STAG1: variants seen among roughly 807,000 people sequenced by gnomAD.
STAG1 encodes the protein STAG1 cohesin complex component.
A neutral mutation model predicts 170.9 loss-of-function variants in STAG1; 26 were observed. The observed-to-expected ratio is 0.15, with a 90% CI of 0.11 to 0.21. The LOEUF (loss-of-function observed/expected upper bound fraction) is 0.21. Among genes scored for constraint, STAG1 ranks in the 10% least tolerant of loss-of-function variants. STAG1 has a pLI of 1.00. For missense variants in STAG1, 964 were observed against 1,509.5 expected (o/e 0.64, Z 5.99); for synonymous variants, 514 against 497.7 (o/e 1.03, Z -0.44).
At chr3:136,494,884 G>T (rs1265845822) in intron 9 of STAG1, among the ~76,000 whole-genome samples, 2 of 152,100 alleles carry the variant, frequency 1.3e-5, no homozygotes, top group Admixed American at 1.3e-4. Flanking sequence ...TTGTTAAGAG[G>T]TTAATTCTCT....
intron 1 of STAG1, among the ~76,000 whole-genome samples, chr3:136,701,967 T>C (rs1198296188): frequency 7.2e-5 from 11 of 151,918 alleles, no homozygotes; most frequent in Non-Finnish European, 2.9e-5. Context: ...TTTACTCTTT[T>C]TTTTTTTTGA....
At chr3:136,690,589 T>A (rs943768866) in intron 1 of STAG1, among the ~76,000 whole-genome samples, 6 of 152,284 alleles carry the variant, frequency 3.9e-5, no homozygotes, top group African/African-American at 1.2e-4. Context: ...CCCAAAGGCA[T>A]ATCTGCTATC....
intron 1 of STAG1, among the ~76,000 whole-genome samples, chr3:136,696,680 T>TA (rs1379540991): frequency 6.6e-6 from 1 of 150,814 alleles, no homozygotes; most frequent in Non-Finnish European, 1.5e-5. Flanking sequence ...CTGTAAATCT[T>TA]AAACTTCTTT....
chr3:136,531,907 T>TAAAAAAAAAAAAAAAAAAAAAAAAAAA (rs58322006), intron 6 of STAG1, among the ~76,000 whole-genome samples: 2 of 90,356 alleles, frequency 2.2e-5, no homozygotes, highest in African/African-American at 3.4e-5. Context: ...ACTTAAAGTA[T>TAAAAAAAAAAAAAAAAAAAAAAAAAAA]AAAAAAAAAA....
At chr3:136,566,521 TA>T (rs1937082060) in intron 5 of STAG1, among the ~76,000 whole-genome samples, 1 of 152,218 alleles carries the variant, frequency 6.6e-6, no homozygotes, top group African/African-American at 2.4e-5. Flanking sequence ...TGGTACACTT[TA>T]AAATGCTTAC....
intron 5 of STAG1, among the ~76,000 whole-genome samples, chr3:136,565,244 A>G (rs893070348): frequency 1.3e-5 from 2 of 152,158 alleles, no homozygotes; most frequent in African/African-American, 4.8e-5. Flanking sequence ...AGAAAGTTAA[A>G]AAGACAACCT....
At chr3:136,719,834 T>C (rs1237698526) in intron 1 of STAG1, among the ~76,000 whole-genome samples, 1 of 152,218 alleles carries the variant, frequency 6.6e-6, no homozygotes, top group East Asian at 1.9e-4. Flanking sequence ...GCAATATATA[T>C]CTCACTCAAC....
chr3:136,466,281 G>C (rs1243237913), intron 12 of STAG1, among the ~76,000 whole-genome samples: 2 of 152,140 alleles, frequency 1.3e-5, no homozygotes, highest in African/African-American at 2.4e-5. Flanking sequence ...TGGCTAACTA[G>C]AATAACCAGC....
intron 6 of STAG1, among the ~76,000 whole-genome samples, chr3:136,531,632 T>C (rs569069111): frequency 6.6e-6 from 1 of 150,976 alleles, no homozygotes; most frequent in Admixed American, 6.6e-5. Context: ...AAATTGGAAA[T>C]CATCATTCTC....
chr3:136,738,498 A>G (rs1045149278), intron 1 of STAG1, among the ~76,000 whole-genome samples: 2 of 152,086 alleles, frequency 1.3e-5, no homozygotes, highest in East Asian at 3.9e-4. Flanking sequence ...ATCAAAAATA[A>G]TAACTAGCTG....
chr3:136,666,754 A>C (rs1450138277), intron 1 of STAG1, among the ~76,000 whole-genome samples: 1 of 150,472 alleles, frequency 6.6e-6, no homozygotes, highest in Non-Finnish European at 1.5e-5. Flanking sequence ...CTGGAGGTGG[A>C]GGTTGCAGTG....
intron 32 of STAG1, 52 bp downstream of exon 32, chr3:136,340,439 A>G: frequency 8.3e-7 from 1 of 1,210,410 alleles, no homozygotes; most frequent in South Asian, 1.2e-5. Context: ...ATCATCTTAC[A>G]CCAATGCCCC....
chr3:136,412,566 C>A (rs1164016020), intron 21 of STAG1, among the ~76,000 whole-genome samples: 1 of 152,180 alleles, frequency 6.6e-6, no homozygotes, highest in Non-Finnish European at 1.5e-5. Flanking sequence ...AATGAACAAA[C>A]TGACATCACG....
At chr3:136,595,610 G>A (rs1241120633) in intron 4 of STAG1, among the ~76,000 whole-genome samples, 2 of 151,724 alleles carry the variant, frequency 1.3e-5, no homozygotes, top group Non-Finnish European at 2.9e-5. Flanking sequence ...CCGGGAGGTG[G>A]AGCTTGTAGT....
chr3:136,506,915 G>A (rs922989978), intron 7 of STAG1, among the ~76,000 whole-genome samples: 4 of 152,088 alleles, frequency 2.6e-5, no homozygotes, highest in African/African-American at 9.7e-5. Flanking sequence ...CAAGATATTT[G>A]TTAATGGAAA....
At chr3:136,429,232 C>T (rs1405172800) in intron 16 of STAG1, among the ~76,000 whole-genome samples, 1 of 152,176 alleles carries the variant, frequency 6.6e-6, no homozygotes, top group Non-Finnish European at 1.5e-5. Flanking sequence ...CGTGGCGAAA[C>T]CCTGTGTCTA....
intron 1 of STAG1, among the ~76,000 whole-genome samples, chr3:136,684,663 A>C (rs936682399): frequency 2.0e-5 from 3 of 151,586 alleles, no homozygotes; most frequent in African/African-American, 7.3e-5. Flanking sequence ...AGGTGGGAGA[A>C]TCATCGGGAG....
At chr3:136,468,975 T>C (rs1371814099) in intron 12 of STAG1, among the ~76,000 whole-genome samples, 1 of 152,178 alleles carries the variant, frequency 6.6e-6, no homozygotes, top group African/African-American at 2.4e-5. Context: ...TAGGTATTGA[T>C]GGGACGTATC....
At chr3:136,361,894 G>A (rs1392015415) in intron 26 of STAG1, among the ~76,000 whole-genome samples, 2 of 151,994 alleles carry the variant, frequency 1.3e-5, no homozygotes, top group African/African-American at 4.8e-5. Context: ...TTACATGTGT[G>A]AGCCACTGTG....
Sources: allele counts gnomAD v4.1 joint callset (sites outside exome capture counted in the v4.1 genomes callset), GRCh38; gene constraint gnomAD v4.1.1; transcripts MANE v1.5; gene names NCBI Gene and HGNC (gene_info 2026-07-23, HGNC 2026-07-21).